Variants in GEMIN4 observed in about 807,000 individuals in gnomAD.
GEMIN4 encodes the protein gem-associated protein 4.
Under a neutral mutation model 76.8 loss-of-function variants are expected in GEMIN4, and 59 were observed. The ratio of observed to expected loss-of-function variants is 0.77; its 90% confidence interval spans 0.62 to 0.95. The LOEUF is 0.95. Among genes scored for constraint, GEMIN4 ranks in the 40% least tolerant of loss-of-function variants. The probability of loss-of-function intolerance (pLI) is 0.00; values close to 1 mark genes in which losing one functional copy is unlikely to be tolerated. For missense variants in GEMIN4, 1,311 were observed against 1,318.9 expected, an observed-to-expected ratio of 0.99 and a Z score of 0.09; for synonymous variants, 562 against 559.7, an observed-to-expected ratio of 1.00 and a Z score of -0.06.
In GEMIN4 at chr17:747,542, C is replaced by T. The variant is rs1451217842; in HGVS notation, c.501G>A (p.Val167=). ...CCTGCGGGTGACCCTTGTGCTTCAT[C>T]ACCTCCCACCAGACGTCCAGGAAGA... ...VAFFLDVWWE[V]MKHKGHPQDP... is the part of the protein sequence containing the mutation. The change falls in exon 2 of 2, where the codon GTG becomes GTA. Residue 167 remains valine, a synonymous_variant. Transcript: ENST00000319004. The T allele has an allele frequency of 5.6e-6, 9 of 1,613,760 alleles. No individual in the cohort carries two copies. Among genetic ancestry groups the T allele is most frequent in the South Asian group, 3.3e-5 (3 of 91,086 alleles).
At position 752,184 on chromosome 17, in the gene GEMIN4, C is replaced by T. The variant is rs1597566444; in HGVS notation, c.-42G>A. ...GCTGCGCGGGGCTAACGCCCCCTCC[C>T]CTCCGAGAACTCGAACGCGGCGCGG... On this transcript the variant is annotated 5_prime_UTR_variant, in exon 1 of 2. Coordinates refer to ENST00000319004, the MANE Select transcript of GEMIN4 (RefSeq NM_015721.3). 3 of 1,233,568 alleles carry T rather than the reference C, an allele frequency of 2.4e-6. No individual in the cohort carries two copies. The highest frequency in any genetic ancestry group is 3.0e-6 in the Non-Finnish European group (3 of 988,182). The allele number at this position is 1,233,568 out of a possible 1,614,324, so 76.4% of individuals were successfully genotyped here. A position where few individuals can be genotyped will look rare whatever the true frequency, so the allele number is the denominator to read the frequency against.
At position 745,781 on chromosome 17, in the gene GEMIN4, CT is replaced by C. The variant is rs1567775979; in HGVS notation, c.2261del (p.Lys754SerfsTer10). 6.2e-7 allele frequency: 1 copy of C among 1,612,312 alleles called. No homozygotes were observed. Among genetic ancestry groups the C allele is most frequent in the Admixed American group, 1.7e-5 (1 of 59,784 alleles). ...AETFSPDVWI[K>X]SLSWLHRKLE... is the part of the protein sequence containing the mutation. Reference sequence around the variant, plus strand: ...ACTTGCGGTGGAGCCAGGACAGGGACTTGATCCAGACATCCGGGGAGAAGGT... The same window carrying C: ...ACTTGCGGTGGAGCCAGGACAGGGACTGATCCAGACATCCGGGGAGAAGGT... On this transcript the variant is annotated frameshift_variant, in exon 2 of 2. Transcript: ENST00000319004. LOFTEE classifies it high-confidence loss of function. The surrounding 1 kb of genome is among the most constrained non-coding windows in gnomAD (Gnocchi z 4.6).
intron 1 of GEMIN4, chr17:749,452 T>TAATGGGCACAGAGCAATCACACAGCC (rs1904517867): frequency 1.4e-5 from 1 of 69,600 alleles, no homozygotes; most frequent in African/African-American, 6.6e-5. Flanking sequence ...ATCACACGGC[T>TAATGGGCACAGAGCAATCACACAGCC]ACAGGATAAT....
At position 746,290 on chromosome 17, in the gene GEMIN4, AG is replaced by A. The variant is rs1243427136; in HGVS notation, c.1752del (p.Phe585SerfsTer29). 2 of 1,613,808 alleles carry A rather than the reference AG, an allele frequency of 1.2e-6. No individual in the cohort carries two copies. Among genetic ancestry groups the A allele is most frequent in the Admixed American group, 3.3e-5 (2 of 60,020 alleles). On this transcript the variant is annotated frameshift_variant, in exon 2 of 2. Coordinates refer to ENST00000319004, the MANE Select transcript of GEMIN4 (RefSeq NM_015721.3). LOFTEE classifies it high-confidence loss of function. This position sits in a 1 kb window ranked among gnomAD's most constrained non-coding sequence, Gnocchi z 4.3. Reference sequence around the variant, plus strand: ...TCTTCCACAAACCTAAGGGCAGGGAAGGCAGTGAGAATCTGGGCCAGGAACT... The same window carrying A: ...TCTTCCACAAACCTAAGGGCAGGGAAGCAGTGAGAATCTGGGCCAGGAACT... ...THKFLAQILT[A>X]FPALRFVEEQ...
Position 746,784 on chromosome 17 carries a change from T to A in GEMIN4, c.1259A>T (p.Glu420Val). The change falls in exon 2 of 2, where the codon GAA becomes GTA. Residue 420 changes from glutamate (E) to valine (V), a missense_variant. Around this residue, in one of 2 missense-constraint regions of GEMIN4, gnomAD observed 1,208 missense variants for 1,166.9 expected, o/e 1.04. Coordinates refer to ENST00000319004, the MANE Select transcript of GEMIN4 (RefSeq NM_015721.3). This position sits in a 1 kb window ranked among gnomAD's most constrained non-coding sequence, Gnocchi z 4.3. ...CTCAGAGGCAAAAATGTAGCACACT[T>A]CCATATGGCGGTCCATCTTCTGCTG... ...VIQQKMDRHM[E>V]VCYIFASEKK... 1 of 1,613,752 alleles carries A rather than the reference T, an allele frequency of 6.2e-7. No homozygotes were observed. Among genetic ancestry groups the A allele is most frequent in the Non-Finnish European group, 8.5e-7 (1 of 1,179,820 alleles).
In GEMIN4 at chr17:746,490, T is replaced by C. The variant is rs747184458; in HGVS notation, c.1553A>G (p.Tyr518Cys). The change falls in exon 2 of 2, where the codon TAT becomes TGT. Residue 518 changes from tyrosine (Y) to cysteine (C), a missense_variant. Tyr to Cys is a radical substitution (Grantham distance 194). This residue lies in a region of GEMIN4 where 1,208 missense variants were observed against 1,166.9 expected (regional missense o/e 1.04). Transcript: ENST00000319004. This position sits in a 1 kb window ranked among gnomAD's most constrained non-coding sequence, Gnocchi z 4.3. ...RKGLSEKLLA[Y>C]VEGFQEDLNT... ...GAGGTCTTCCTGAAAACCCTCCACA[T>C]AAGCCAGCAACTTTTCAGAGAGGCC... is the stretch of plus-strand genomic sequence containing the variant. The C allele has an allele frequency of 1.2e-6, 2 of 1,613,986 alleles. No homozygotes were observed. The highest frequency in any genetic ancestry group is 1.7e-6 in the Non-Finnish European group (2 of 1,179,884).
chr17:747,824 G>C lies in GEMIN4; in HGVS notation c.219C>G (p.Ile73Met). ...GGTGCGGCTGCAGAACCTTGGCCCA[G>C]ATGATGATCAGGGCTTTCTTCTTCC... ...FAWKKKALII[I>M]WAKVLQPHPV... Residue 73 changes from isoleucine to methionine, a missense_variant, in exon 2 of 2, where the codon ATC becomes ATG. Physicochemically the swap from Ile to Met is conservative, Grantham distance 10. Around this residue, in one of 2 missense-constraint regions of GEMIN4, gnomAD observed 103 missense variants for 152.0 expected, o/e 0.68. Coordinates refer to ENST00000319004, the MANE Select transcript of GEMIN4 (RefSeq NM_015721.3). 6.2e-7 allele frequency: 1 copy of C among 1,613,788 alleles called. No individual in the cohort carries two copies. Among genetic ancestry groups the C allele is most frequent in the African/African-American group, 1.3e-5 (1 of 74,990 alleles).
chr17:747,598 T>C lies in GEMIN4; in HGVS notation c.445A>G (p.Thr149Ala). Reference protein sequence around the residue: ...AELERFLEHVTVDTSAEDVAF... With the variant: ...AELERFLEHVAVDTSAEDVAF... ...ACGTCTTCGGCAGAAGTGTCAACGG[T>C]CACATGTTCCAGAAAGCGCTCTAGT... Residue 149 changes from threonine (T) to alanine (A), a missense_variant, in exon 2 of 2, where the codon ACC (threonine) becomes GCC (alanine). Coordinates refer to ENST00000319004, the MANE Select transcript of GEMIN4 (RefSeq NM_015721.3). 1 of 1,613,830 alleles carries C rather than the reference T, an allele frequency of 6.2e-7. No homozygotes were observed. The highest frequency in any genetic ancestry group is 1.1e-5 in the South Asian group (1 of 91,070).
In GEMIN4 at chr17:747,495, C is replaced by G. The variant is rs1307831721; in HGVS notation, c.548G>C (p.Ser183Thr). Residue 183 changes from serine to threonine, a missense_variant, in exon 2 of 2, where the codon AGT (serine) becomes ACT (threonine). This residue lies in a region of GEMIN4 where 1,208 missense variants were observed against 1,166.9 expected (regional missense o/e 1.04). Transcript: ENST00000319004. ...AGGCAGGTACTTATGGGCCATTGCACTAAACTGGGAGAGCAGGGGGTCCTG... is the reference window on the plus strand; with the variant it reads ...AGGCAGGTACTTATGGGCCATTGCAGTAAACTGGGAGAGCAGGGGGTCCTG... ...HPQDPLLSQF[S>T]AMAHKYLPAL... The G allele has an allele frequency of 1.9e-6, 3 of 1,613,822 alleles. No homozygotes were observed. The East Asian group carries it at 6.7e-5, about 36-fold the overall frequency.
At chr17:752,023 C>T (rs1010948455) in intron 1 of GEMIN4, 110 bp downstream of exon 1, 203 of 779,644 alleles carry the variant, frequency 2.6e-4, no homozygotes, top group Non-Finnish European at 1.5e-4. Context: ...GGGGACGTTT[C>T]GGTCCGGGCC....
Position 747,146 on chromosome 17 carries a change from A to T in GEMIN4, c.897T>A (p.Asp299Glu), listed in dbSNP as rs574846329. ...GTTTGGCCAGCGAGGTCAGGCTGAC[A>T]TCCCGTTCTGCCTCCTTCACCTTCT... is the stretch of plus-strand genomic sequence containing the variant. ...LAEKVKEAERDVSLTSLAKLP... is the reference protein window; with the variant it reads ...LAEKVKEAEREVSLTSLAKLP... The change falls in exon 2 of 2, where the codon GAT (aspartate) becomes GAA (glutamate). Residue 299 changes from aspartate (D) to glutamate (E), a missense_variant. Asp to Glu is a conservative substitution (Grantham distance 45). Transcript: ENST00000319004. 206 of 1,613,804 alleles carry T rather than the reference A, an allele frequency of 1.3e-4. 1 individual carries two copies. The South Asian group carries it at 2.1e-3, about 17-fold the overall frequency.
At chr17:753,064 A>C (rs473250), upstream of GEMIN4, 157,457 of 159,542 alleles carry the variant, frequency 0.99, 77,710 homozygotes, top group East Asian at 1. Flanking sequence ...GGAGCGCGAA[A>C]AAAGGGGCGT....
Position 746,856 on chromosome 17 carries a change from T to G in GEMIN4, c.1187A>C (p.Asn396Thr). The G allele has an allele frequency of 4.3e-6, 7 of 1,613,768 alleles. No homozygotes were observed. Among genetic ancestry groups the G allele is most frequent in the Non-Finnish European group, 5.9e-6 (7 of 1,179,728 alleles). Residue 396 changes from asparagine (N) to threonine (T), a missense_variant, in exon 2 of 2, where the codon AAC (asparagine) becomes ACC (threonine). By Grantham distance (65) the Asn-to-Thr change is moderately conservative. Transcript: ENST00000319004. The surrounding 1 kb of genome is among the most constrained non-coding windows in gnomAD (Gnocchi z 4.3). ...AGCTGTGATATCCTCCAAGGCCCTG[T>G]TCTTCAGCACCGTGCTCGTTTTCCT... ...FLRKTSTVLK[N>T]RALEDITASI...
rs1346296348 is a variant in GEMIN4 at position 748,062 on chromosome 17, A to G, written c.11-30T>C. 3.3e-6 allele frequency: 5 copies of G among 1,529,812 alleles called. No individual in the cohort carries two copies. The East Asian group carries it at 1.1e-4, about 35-fold the overall frequency. 94.8% of individuals were successfully genotyped at this position (1,529,812 alleles called of 1,614,324 possible). ...ACACAGACAAGCCAAATAAGACAGTATAGTGAAAATGTTTCCAGATGGCCA... is the reference window on the plus strand; with the variant it reads ...ACACAGACAAGCCAAATAAGACAGTGTAGTGAAAATGTTTCCAGATGGCCA... On this transcript the variant is annotated intron_variant, in intron 1 of 1. Transcript: ENST00000319004.
At chr17:751,847 A>G (rs1020770593) in intron 1 of GEMIN4, 2 of 368,934 alleles carry the variant, frequency 5.4e-6, no homozygotes, top group African/African-American at 2.1e-5. Flanking sequence ...CGTTTCCCAA[A>G]GCACGTGCGC....
upstream of GEMIN4, chr17:752,607 G>C: frequency 1.0e-6 from 1 of 974,148 alleles, no homozygotes; most frequent in Non-Finnish European, 1.2e-6. Flanking sequence ...CGCCCAGCTC[G>C]CGCCACATAC....
intron 1 of GEMIN4, among the ~76,000 whole-genome samples, chr17:750,754 TC>T (rs1370778188): frequency 6.6e-6 from 1 of 152,024 alleles, no homozygotes; most frequent in Non-Finnish European, 1.5e-5. Flanking sequence ...ATCTTACCCC[TC>T]CCACCATTTA....
chr17:744,648 A>C lies in GEMIN4; in HGVS notation c.*218T>G. On this transcript the variant is annotated 3_prime_UTR_variant, in exon 2 of 2. Coordinates refer to ENST00000319004, the MANE Select transcript of GEMIN4 (RefSeq NM_015721.3). ...TGCGAAAGAGGAGAATTTTTATGAT[A>C]GTTTGTACGTTACAAATACCCAAGA... 1.9e-6 allele frequency: 1 copy of C among 517,852 alleles called. No individual in the cohort carries two copies. The highest frequency in any genetic ancestry group is 3.4e-6 in the Non-Finnish European group (1 of 295,510). The allele number at this position is 517,852 out of a possible 1,614,324, so 32.1% of individuals were successfully genotyped here. A position where few individuals can be genotyped will look rare whatever the true frequency, so the allele number is the denominator to read the frequency against.
Position 745,629 on chromosome 17 carries a change from G to T in GEMIN4, c.2414C>A (p.Ala805Asp). Reference protein sequence around the residue: ...KLSEDEWTSQAHPGYGAGTGL... With the variant: ...KLSEDEWTSQDHPGYGAGTGL... ...CGTGCCAGCCCCGTACCCTGGGTGG[G>T]CCTGGGAGGTCCACTCGTCTTCTGA... The change falls in exon 2 of 2, where the codon GCC becomes GAC. Residue 805 changes from alanine (A) to aspartate (D), a missense_variant. Ala to Asp is a moderately radical substitution (Grantham distance 126). This residue lies in a region of GEMIN4 where 1,208 missense variants were observed against 1,166.9 expected (regional missense o/e 1.04). Coordinates refer to ENST00000319004, the MANE Select transcript of GEMIN4 (RefSeq NM_015721.3). This position sits in a 1 kb window ranked among gnomAD's most constrained non-coding sequence, Gnocchi z 4.6. The T allele has an allele frequency of 6.2e-7, 1 of 1,603,954 alleles. No individual in the cohort carries two copies. Among genetic ancestry groups the T allele is most frequent in the Middle Eastern group, 1.7e-4 (1 of 6,054 alleles).
Sources: allele counts gnomAD v4.1 joint callset (sites outside exome capture counted in the v4.1 genomes callset), GRCh38; gene constraint gnomAD v4.1.1; regional missense constraint gnomAD v4.1.1; non-coding constraint Gnocchi (gnomAD v3.1); transcripts MANE v1.5; gene names NCBI Gene and HGNC (gene_info 2026-07-23, HGNC 2026-07-21).